The following VOPP1 variants were observed in gnomAD, a reference collection of about 807,000 sequenced individuals.
VOPP1 encodes VOPP1 WW domain binding protein.
VOPP1 carries 8 observed loss-of-function variants against 23.5 expected under a neutral mutation model. The observed-to-expected ratio is 0.34, with a 90% confidence interval of 0.20 to 0.61. The LOEUF is 0.61. Ranked by LOEUF, VOPP1 falls within the 20% of genes least tolerant of loss-of-function variation. The pLI is 0.78. For missense variants in VOPP1, 174 were observed against 238.1 expected, an observed-to-expected ratio of 0.73 and a Z score of 1.77; for synonymous variants, 83 against 97.3, an observed-to-expected ratio of 0.85 and a Z score of 0.86.
At chr7:55,561,268 C>T (rs951335228) in intron 1 of VOPP1, among the ~76,000 whole-genome samples, 6 of 152,110 alleles carry the variant, frequency 3.9e-5, no homozygotes, top group Non-Finnish European at 1.5e-5. Context: ...CACCTTCCCT[C>T]TTGATGACCT....
chr7:55,530,782 T>A (rs1796454640), intron 1 of VOPP1: 1 of 152,236 alleles, frequency 6.6e-6, no homozygotes, highest in African/African-American at 2.4e-5. Context: ...GCCCCCAAAA[T>A]AACCTTTTAT....
At chr7:55,483,180 G>A (rs1792871373) in intron 4 of VOPP1, among the ~76,000 whole-genome samples, 1 of 152,104 alleles carries the variant, frequency 6.6e-6, no homozygotes, top group African/African-American at 2.4e-5. Context: ...GCGCTTCTCA[G>A]TGCAGGGGGC....
At chr7:55,465,896 T>C (rs543981163), downstream of VOPP1, among the ~76,000 whole-genome samples, 5 of 152,232 alleles carry the variant, frequency 3.3e-5, no homozygotes, top group Non-Finnish European at 7.3e-5. Flanking sequence ...CAAAGAATGT[T>C]AGGCACTGAG....
intron 1 of VOPP1, among the ~76,000 whole-genome samples, chr7:55,529,386 A>G (rs993591140): frequency 4.6e-5 from 6 of 129,428 alleles, no homozygotes; most frequent in Non-Finnish European, 8.5e-5. Context: ...AAAAAAAAAA[A>G]AAAGAGTCCT....
At chr7:55,461,199 A>G (rs983596427) in intron 4 of VOPP1, among the ~76,000 whole-genome samples, 10 of 152,132 alleles carry the variant, frequency 6.6e-5, no homozygotes, top group African/African-American at 1.2e-4. Context: ...GATGAAAGGC[A>G]TAAGAATGAC....
chr7:55,468,047 G>A (rs1791676034), downstream of VOPP1, among the ~76,000 whole-genome samples: 1 of 152,210 alleles, frequency 6.6e-6, no homozygotes, highest in Non-Finnish European at 1.5e-5. Context: ...GCCGAGGCGG[G>A]CGGATCACGA....
chr7:55,437,997 T>G (rs1306901695), intron 4 of VOPP1, among the ~76,000 whole-genome samples: 1 of 151,538 alleles, frequency 6.6e-6, no homozygotes, highest in Non-Finnish European at 1.5e-5. Context: ...CAGGTTCAAG[T>G]GATTCTCATG....
At chr7:55,443,352 A>T (rs1472880304) in intron 4 of VOPP1, among the ~76,000 whole-genome samples, 1 of 151,978 alleles carries the variant, frequency 6.6e-6, no homozygotes, top group Admixed American at 6.6e-5. Context: ...CAGAAGATTG[A>T]GACCAACCTG....
At chr7:55,500,195 T>G (rs1794270540) in intron 2 of VOPP1, among the ~76,000 whole-genome samples, 1 of 152,142 alleles carries the variant, frequency 6.6e-6, no homozygotes, top group Non-Finnish European at 1.5e-5. Context: ...AATCCCCTCC[T>G]CTTCAGTGGG....
At chr7:55,564,243 G>GTCTCTCTCTCTCTC (rs71561947) in intron 1 of VOPP1, among the ~76,000 whole-genome samples, 8,072 of 125,810 alleles carry the variant, frequency 0.064, 401 homozygotes, top group Middle Eastern at 0.088. Flanking sequence ...CTCTGTCTCT[G>GTCTCTCTCTCTCTC]TCTCTCTCTC....
At chr7:55,481,335 T>C (rs1792695387) in intron 4 of VOPP1, among the ~76,000 whole-genome samples, 2 of 152,176 alleles carry the variant, frequency 1.3e-5, no homozygotes, top group South Asian at 4.1e-4. Context: ...TGTGGCACAG[T>C]GGGCCCATGA....
intron 1 of VOPP1, among the ~76,000 whole-genome samples, chr7:55,561,409 T>G (rs1797980195): frequency 6.6e-6 from 1 of 151,898 alleles, no homozygotes; most frequent in Non-Finnish European, 1.5e-5. Flanking sequence ...GAGCTTAAGG[T>G]CTAAAGAATT....
At chr7:55,476,130 C>G (rs1482899227) in intron 4 of VOPP1, among the ~76,000 whole-genome samples, 6 of 152,232 alleles carry the variant, frequency 3.9e-5, no homozygotes, top group Admixed American at 3.9e-4. Flanking sequence ...AAGGCCACCA[C>G]AGCCAGCCTC....
intron 1 of VOPP1, among the ~76,000 whole-genome samples, chr7:55,566,355 AGAGCCTGACCAATATGGTGAAACCCCGT>A (rs1798163652): frequency 6.6e-6 from 1 of 152,098 alleles, no homozygotes. Context: ...ATGAGTACTC[AGAGCCTGACCAATATGGTGAAACCCCGT>A]CTCTACTAAA....
chr7:55,450,417 A>G (rs1236553033), intron 4 of VOPP1, among the ~76,000 whole-genome samples: 1 of 152,042 alleles, frequency 6.6e-6, no homozygotes, highest in East Asian at 1.9e-4. Context: ...TAAATCACTC[A>G]CCAGCGCTAC....
At chr7:55,492,213 G>A (rs1793621451) in intron 4 of VOPP1, 69 bp downstream of exon 4, 1 of 1,535,296 alleles carries the variant, frequency 6.5e-7, no homozygotes, top group Non-Finnish European at 8.8e-7. Context: ...TTCTGCAGCA[G>A]TACCCTTTAT....
chr7:55,448,027 T>G (rs1246098210), intron 4 of VOPP1, among the ~76,000 whole-genome samples: 1 of 152,218 alleles, frequency 6.6e-6, no homozygotes, highest in Non-Finnish European at 1.5e-5. Flanking sequence ...ATCATTATAA[T>G]GATTTTCCAC....
chr7:55,469,988 T>G (rs893868471), downstream of VOPP1, among the ~76,000 whole-genome samples: 3 of 152,110 alleles, frequency 2.0e-5, no homozygotes, highest in Non-Finnish European at 4.4e-5. Context: ...GAGGCTGCAG[T>G]GAGCTATGAT....
At chr7:55,552,761 A>G in intron 1 of VOPP1, 1 of 1,531,232 alleles carries the variant, frequency 6.5e-7, no homozygotes, top group African/African-American at 1.4e-5. Context: ...GTTCACGCAG[A>G]GAGGCAGCAA....
Sources: allele counts gnomAD v4.1 joint callset (sites outside exome capture counted in the v4.1 genomes callset), GRCh38; gene constraint gnomAD v4.1.1; transcripts MANE v1.5; gene names NCBI Gene and HGNC (gene_info 2026-07-23, HGNC 2026-07-21).